Variants in MINAR1 observed in about 807,000 individuals in gnomAD.
MINAR1 encodes the protein major intrinsically disordered Notch2-binding receptor 1.
In MINAR1, 40 loss-of-function variants were observed where a neutral mutation model predicts 65.1. The observed-to-expected ratio is 0.61, with a 90% CI of 0.48 to 0.80. MINAR1 has a LOEUF of 0.80. Among genes scored for constraint, MINAR1 ranks in the 30% least tolerant of loss-of-function variants. The probability of loss-of-function intolerance (pLI) is 0.00; values close to 1 mark genes in which losing one functional copy is unlikely to be tolerated. For synonymous variants in MINAR1, 482 were observed against 449.1 expected, an observed-to-expected ratio of 1.07 and a Z score of -0.93; for missense variants, 1,128 against 1,148.0, an observed-to-expected ratio of 0.98 and a Z score of 0.25.
At chr15:79,467,359 C>T (rs1166777488) in intron 3 of MINAR1, among the ~76,000 whole-genome samples, 1 of 152,222 alleles carries the variant, frequency 6.6e-6, no homozygotes, top group East Asian at 1.9e-4. Context: ...TTATGTGACA[C>T]TCATATTATT....
chr15:79,419,740 TAATAA>T, the MINAR1 span: 1 of 152,084 alleles, frequency 6.6e-6, no homozygotes, highest in Non-Finnish European at 1.5e-5. Flanking sequence ...AAGAGTAAAT[TAATAA>T]AATATATGAC....
chr15:79,453,062 G>C (rs1291802326), intron 1 of MINAR1, among the ~76,000 whole-genome samples: 1 of 146,348 alleles, frequency 6.8e-6, no homozygotes, highest in African/African-American at 2.5e-5. Context: ...GCCTTGCTCT[G>C]ACCAGATCCG....
At chr15:79,426,111 C>T in the MINAR1 span, 20 of 152,346 alleles carry the variant, frequency 1.3e-4, no homozygotes, top group East Asian at 3.7e-3. Context: ...CAGGAGCTGA[C>T]AGAATCAGTG....
rs765984639 is a variant in MINAR1, at chr15:79,458,109, G to A, written c.1962G>A (p.Pro654=). 2.0e-5 allele frequency: 33 copies of A among 1,614,046 alleles called. No individual in the cohort carries two copies. Among genetic ancestry groups the A allele is most frequent in the Middle Eastern group, 1.6e-4 (1 of 6,084 alleles). Residue 654 remains proline, a synonymous_variant, in exon 2 of 4, where the codon CCG becomes CCA. Transcript: ENST00000305428. The stretch of plus-strand genomic sequence containing the variant: ...TGAACTCCTTGACAAGCGAGGGTCC[G>A]TCTGATGACAGTGCCTCTCCCCGGA... The part of the protein sequence containing the change: ...IDLNSLTSEG[P]SDDSASPRMF...
At chr15:79,459,274 T>C (rs183402802) in intron 2 of MINAR1, among the ~76,000 whole-genome samples, 24 of 152,396 alleles carry the variant, frequency 1.6e-4, no homozygotes, top group Middle Eastern at 3.4e-3. Flanking sequence ...TTTTTTTCTC[T>C]ACACTGTTGT....
chr15:79,441,533 A>T (rs1304191819), intron 1 of MINAR1, among the ~76,000 whole-genome samples: 1 of 152,200 alleles, frequency 6.6e-6, no homozygotes, highest in Non-Finnish European at 1.5e-5. Flanking sequence ...GAATATATTC[A>T]TAAACTTTGT....
At chr15:79,452,059 T>C (rs978936299) in intron 1 of MINAR1, among the ~76,000 whole-genome samples, 9 of 152,110 alleles carry the variant, frequency 5.9e-5, no homozygotes, top group African/African-American at 2.2e-4. Flanking sequence ...TGTGTGTGTG[T>C]GCAGAGGTGT....
intron 1 of MINAR1, among the ~76,000 whole-genome samples, chr15:79,442,592 G>GAA (rs35688303): frequency 2.9e-3 from 357 of 122,736 alleles, no homozygotes; most frequent in Non-Finnish European, 4.5e-3. Context: ...CCATAAAAAT[G>GAA]AAAAAAAAAA....
chr15:79,458,515 G>A (rs1485290639), intron 2 of MINAR1, 70 bp downstream of exon 2: 3 of 1,535,518 alleles, frequency 2.0e-6, no homozygotes, highest in Non-Finnish European at 2.6e-6. Flanking sequence ...TCAAAGCCTT[G>A]AACATGGCGT....
upstream of MINAR1, among the ~76,000 whole-genome samples, chr15:79,430,245 G>C (rs1048842947): frequency 5.3e-5 from 8 of 152,048 alleles, no homozygotes; most frequent in Non-Finnish European, 1.0e-4. Context: ...AACTAAGGGA[G>C]GGAAAAGCAG....
Position 79,458,295 on chromosome 15 carries a change from C to T in MINAR1, c.2148C>T (p.Asn716=), listed in dbSNP as rs750596047. The T allele has an allele frequency of 1.2e-6, 2 of 1,614,046 alleles. No individual in the cohort carries two copies. The highest frequency in any genetic ancestry group is 2.2e-5 in the East Asian group (1 of 44,892). The change falls in exon 2 of 4, where the codon AAC becomes AAT. Residue 716 remains asparagine (N), a synonymous_variant. Transcript: ENST00000305428. ...CCTCTAGGTCCCTAACAGAGGAGAACAGTGCCACAGAGTCCAAAATTGCCA... is the reference window on the plus strand; with the variant it reads ...CCTCTAGGTCCCTAACAGAGGAGAATAGTGCCACAGAGTCCAAAATTGCCA... The part of the protein sequence containing the change: ...RPSSRSLTEE[N]SATESKIASI...
the MINAR1 span, chr15:79,422,018 G>A: frequency 6.6e-6 from 1 of 152,544 alleles, no homozygotes; most frequent in South Asian, 2.1e-4. Context: ...ACTGCACTAT[G>A]AGCAGCCGGC....
At chr15:79,449,794 C>G (rs758856005) in intron 1 of MINAR1, among the ~76,000 whole-genome samples, 2 of 152,152 alleles carry the variant, frequency 1.3e-5, no homozygotes, top group Non-Finnish European at 2.9e-5. Flanking sequence ...AATTGTTTGT[C>G]CAGCTCCACC....
the MINAR1 span, chr15:79,414,517 A>G: frequency 2.6e-5 from 4 of 152,232 alleles, no homozygotes; most frequent in African/African-American, 4.8e-5. Flanking sequence ...GCTGTAGGTA[A>G]GAGGCAAACC....
At position 79,456,682 on chromosome 15, in the gene MINAR1, T is replaced by C. The variant is rs1895428890; in HGVS notation, c.535T>C (p.Leu179=). ...FVPASEPNFL[L]GVSKEVKNRA... is the part of the protein sequence containing the mutation. ...CCCTGCCTCTGAGCCTAACTTCCTG[T>C]TGGGAGTTAGCAAAGAGGTGAAAAA... is the stretch of plus-strand genomic sequence containing the variant. The change falls in exon 2 of 4, where the codon TTG becomes CTG. Residue 179 remains leucine, a synonymous_variant. Coordinates refer to ENST00000305428, the MANE Select transcript of MINAR1 (RefSeq NM_015206.3). The C allele has an allele frequency of 1.9e-6, 3 of 1,614,030 alleles. No individual in the cohort carries two copies.
rs1895496853 is a variant in MINAR1, at chr15:79,457,934, T to C, written c.1787T>C (p.Val596Ala). The C allele has an allele frequency of 6.2e-7, 1 of 1,614,190 alleles. No homozygotes were observed. The highest frequency in any genetic ancestry group is 8.5e-7 in the Non-Finnish European group (1 of 1,180,028). Reference sequence around the variant, plus strand: ...TCGGAAGAAGAGCTGAAGACCAGTGTGTGCAAACTGGTGCTCAGGATTGGC... The same window carrying C: ...TCGGAAGAAGAGCTGAAGACCAGTGCGTGCAAACTGGTGCTCAGGATTGGC... Reference protein sequence around the residue: ...HHSEEELKTSVCKLVLRIGEI... With the variant: ...HHSEEELKTSACKLVLRIGEI... Residue 596 changes from valine (V) to alanine (A), a missense_variant, in exon 2 of 4, where the codon GTG becomes GCG. Transcript: ENST00000305428.
Position 79,457,096 on chromosome 15 carries a change from T to C in MINAR1, c.949T>C (p.Tyr317His), listed in dbSNP as rs1251498455. 2 of 1,614,128 alleles carry C rather than the reference T, an allele frequency of 1.2e-6. No individual in the cohort carries two copies. Among genetic ancestry groups the C allele is most frequent in the East Asian group, 2.2e-5 (1 of 44,870 alleles). Reference protein sequence around the residue: ...PYNSQYLNPVYSPVPDKRRAK... With the variant: ...PYNSQYLNPVHSPVPDKRRAK... ...TAACAGCCAGTACCTGAATCCAGTG[T>C]ATTCCCCGGTTCCTGACAAAAGGCG... Residue 317 changes from tyrosine to histidine, a missense_variant, in exon 2 of 4, where the codon TAT becomes CAT. Tyr to His is a moderately conservative substitution (Grantham distance 83). Transcript: ENST00000305428.
the MINAR1 span, chr15:79,420,706 A>T: frequency 6.6e-6 from 1 of 152,234 alleles, no homozygotes; most frequent in Non-Finnish European, 1.5e-5. Flanking sequence ...TTATAGACAA[A>T]TCTTCATGAC....
In MINAR1 at chr15:79,457,908, C is replaced by A. The variant is rs766817893; in HGVS notation, c.1761C>A (p.His587Gln). 6.2e-7 allele frequency: 1 copy of A among 1,614,038 alleles called. No individual in the cohort carries two copies. Among genetic ancestry groups the A allele is most frequent in the Non-Finnish European group, 8.5e-7 (1 of 1,180,034 alleles). Reference protein sequence around the residue: ...DKGNRPENTHHSEEELKTSVC... With the variant: ...DKGNRPENTHQSEEELKTSVC... ...GCAACCGGCCTGAAAACACCCACCACTCGGAAGAAGAGCTGAAGACCAGTG... is the reference window on the plus strand; with the variant it reads ...GCAACCGGCCTGAAAACACCCACCAATCGGAAGAAGAGCTGAAGACCAGTG... Residue 587 changes from histidine to glutamine, a missense_variant, in exon 2 of 4, where the codon CAC becomes CAA. Coordinates refer to ENST00000305428, the MANE Select transcript of MINAR1 (RefSeq NM_015206.3).
Sources: gnomAD v4.1 joint callset for allele counts (sites outside exome capture counted in the v4.1 genomes callset) on GRCh38, gnomAD v4.1.1 for gene constraint, MANE v1.5 for transcripts, NCBI Gene and HGNC (gene_info 2026-07-23, HGNC 2026-07-21) for gene names.